UGGT2: variants seen among roughly 807,000 people sequenced by gnomAD.
UGGT2 encodes the protein UDP-glucose:glycoprotein glucosyltransferase 2.
In UGGT2, 180 loss-of-function variants were observed where a neutral mutation model predicts 192.1. The observed-to-expected ratio is 0.94, with a 90% CI of 0.83 to 1.06. The LOEUF (loss-of-function observed/expected upper bound fraction) is 1.06, where lower values mean the gene tolerates loss of function less well. Ranked by LOEUF, UGGT2 falls within the 50% of genes least tolerant of loss-of-function variation. The pLI is 0.00. For missense variants in UGGT2, 1,849 were observed against 1,795.7 expected (o/e 1.03, Z -0.54); for synonymous variants, 580 against 591.0 (o/e 0.98, Z 0.27).
rs1225367521 is a variant in UGGT2 at position 96,013,576 on chromosome 13, T to C, written c.486-95A>G. On this transcript the variant is annotated intron_variant, in intron 4 of 38. Transcript: ENST00000376747. ...ACTGCTTATCAAACAATTCATAATA[T>C]ACATAATCACAGAAAAAGAATTTAA... 4 of 774,914 alleles carry C rather than the reference T, an allele frequency of 5.2e-6. No individual in the cohort carries two copies. In the African/African-American group the frequency reaches 5.4e-5, roughly 11 times the overall value. The allele number at this position is 774,914 out of a possible 1,614,324, so 48.0% of individuals were successfully genotyped here. A position where few individuals can be genotyped will look rare whatever the true frequency, so the allele number is the denominator to read the frequency against.
At chr13:95,816,754 G>T (rs1049302570) in intron 38 of UGGT2, among the ~76,000 whole-genome samples, 1 of 152,204 alleles carries the variant, frequency 6.6e-6, no homozygotes, top group African/African-American at 2.4e-5. Context: ...AAGGTGAATT[G>T]CAGAGCTGCA....
rs2049934893 is a variant in UGGT2 at position 95,948,039 on chromosome 13, T to C, written c.1498A>G (p.Ile500Val). The C allele has an allele frequency of 3.1e-6, 5 of 1,613,372 alleles. No homozygotes were observed. Among genetic ancestry groups the C allele is most frequent in the Middle Eastern group, 1.7e-4 (1 of 6,024 alleles). Reference sequence around the variant, plus strand: ...GAATAGAAAACATCAGCAAGTTTTATAAAATCCAAGGTATATTCTTGGGCC... The same window carrying C: ...GAATAGAAAACATCAGCAAGTTTTACAAAATCCAAGGTATATTCTTGGGCC... ...DPAQEYTLDFIKLADVFYSHE... is the reference protein window; with the variant it reads ...DPAQEYTLDFVKLADVFYSHE... Residue 500 changes from isoleucine to valine, a missense_variant, in exon 14 of 39, where the codon ATA (isoleucine) becomes GTA (valine). By Grantham distance (29) the Ile-to-Val change is conservative (BLOSUM62 3). Coordinates refer to ENST00000376747, the MANE Select transcript of UGGT2 (RefSeq NM_020121.4).
chr13:95,925,791 G>T lies in UGGT2; in HGVS notation c.2201-17C>A. Reference sequence around the variant, plus strand: ...TACTCTCATCTGAAAGTTTCAAACAGTTTACTCAAATTAACTTTTTTTTTA... The same window carrying T: ...TACTCTCATCTGAAAGTTTCAAACATTTTACTCAAATTAACTTTTTTTTTA... On this transcript the variant is annotated splice_polypyrimidine_tract_variant and intron_variant, in intron 19 of 38. Coordinates refer to ENST00000376747, the MANE Select transcript of UGGT2 (RefSeq NM_020121.4). The T allele has an allele frequency of 6.7e-7, 1 of 1,491,320 alleles. No homozygotes were observed. Among genetic ancestry groups the T allele is most frequent in the Non-Finnish European group, 9.0e-7 (1 of 1,109,664 alleles). The allele number at this position is 1,491,320 out of a possible 1,614,324, so 92.4% of individuals were successfully genotyped here.
intron 27 of UGGT2, 44 bp from the exon 28 acceptor site, chr13:95,877,900 C>T: frequency 6.5e-7 from 1 of 1,536,956 alleles, no homozygotes; most frequent in Non-Finnish European, 8.8e-7. Flanking sequence ...ATGTAAAACT[C>T]ATAATACAAA....
intron 1 of UGGT2, among the ~76,000 whole-genome samples, chr13:96,042,881 C>A (rs539487227): frequency 1.3e-5 from 2 of 152,040 alleles, no homozygotes; most frequent in East Asian, 3.9e-4. Flanking sequence ...ATGACCAAAC[C>A]TAAGAATAAT....
At chr13:95,966,645 A>G (rs535182089) in intron 12 of UGGT2, among the ~76,000 whole-genome samples, 1 of 152,214 alleles carries the variant, frequency 6.6e-6, no homozygotes, top group African/African-American at 2.4e-5. Flanking sequence ...CCTTACATAC[A>G]TAAGAAAATA....
intron 20 of UGGT2, among the ~76,000 whole-genome samples, chr13:95,909,337 G>C (rs2048398687): frequency 6.6e-6 from 1 of 151,812 alleles, no homozygotes; most frequent in South Asian, 2.1e-4. Flanking sequence ...CAATAGCAAA[G>C]ACTTGGAACC....
At chr13:95,905,052 A>G (rs534110236) in intron 20 of UGGT2, among the ~76,000 whole-genome samples, 4 of 151,956 alleles carry the variant, frequency 2.6e-5, no homozygotes, top group South Asian at 2.1e-4. Flanking sequence ...GCCAGTGATG[A>G]TGAGCATTTT....
Position 95,859,609 on chromosome 13 carries a change from A to G in UGGT2, c.3807T>C (p.Tyr1269=), listed in dbSNP as rs111883912. 1.2e-6 allele frequency: 2 copies of G among 1,610,104 alleles called. No homozygotes were observed. Among genetic ancestry groups the G allele is most frequent in the African/African-American group, 1.3e-5 (1 of 74,788 alleles). Residue 1269 remains tyrosine (Y), a synonymous_variant, in exon 33 of 39, where the codon TAT becomes TAC. Coordinates refer to ENST00000376747, the MANE Select transcript of UGGT2 (RefSeq NM_020121.4). ...TPVKFWLLKN[Y]LSPTFKEVIP... Reference sequence around the variant, plus strand: ...TACTTACTTTAAATGTCGGTGAGAGATAATTTTTTAGCAACCAGAATTTCA... The same window carrying G: ...TACTTACTTTAAATGTCGGTGAGAGGTAATTTTTTAGCAACCAGAATTTCA...
chr13:95,976,949 A>C (rs988106916), intron 10 of UGGT2, among the ~76,000 whole-genome samples: 6 of 152,190 alleles, frequency 3.9e-5, no homozygotes, highest in Non-Finnish European at 7.4e-5. Context: ...AGCAATGAGG[A>C]AAGGATTCCC....
chr13:95,923,320 A>T (rs2048907453), intron 20 of UGGT2, among the ~76,000 whole-genome samples: 1 of 150,572 alleles, frequency 6.6e-6, no homozygotes, highest in Non-Finnish European at 1.5e-5. Flanking sequence ...CAGCCACGTG[A>T]TTAGCTGGGA....
chr13:95,850,666 C>T (rs567097062), intron 36 of UGGT2, among the ~76,000 whole-genome samples: 28 of 152,308 alleles, frequency 1.8e-4, no homozygotes, highest in African/African-American at 6.5e-4. Context: ...CAGAGGTAAA[C>T]ACTGAGCTTC....
intron 38 of UGGT2, among the ~76,000 whole-genome samples, chr13:95,825,096 T>C (rs969798962): frequency 6.6e-6 from 1 of 152,154 alleles, no homozygotes; most frequent in Non-Finnish European, 1.5e-5. Context: ...GTAATAGTCA[T>C]GTACTCAGTG....
intron 5 of UGGT2, among the ~76,000 whole-genome samples, chr13:96,007,018 T>C (rs1216450219): frequency 6.6e-6 from 1 of 152,166 alleles, no homozygotes; most frequent in Non-Finnish European, 1.5e-5. Flanking sequence ...CCAATATCAC[T>C]AATAAACACA....
chr13:95,809,398 A>C (rs921545708), intron 38 of UGGT2: 19 of 396,982 alleles, frequency 4.8e-5, no homozygotes, highest in South Asian at 3.7e-4. Context: ...AATCTTCTTT[A>C]CTTTCTTGAT....
chr13:96,009,585 G>A (rs778659769), intron 5 of UGGT2, among the ~76,000 whole-genome samples: 26 of 152,098 alleles, frequency 1.7e-4, no homozygotes, highest in Non-Finnish European at 3.5e-4. Context: ...TGAGGCAGGC[G>A]GATCACGAGG....
At chr13:95,854,678 T>C (rs539907633) in intron 34 of UGGT2, among the ~76,000 whole-genome samples, 17 of 152,340 alleles carry the variant, frequency 1.1e-4, no homozygotes, top group Middle Eastern at 3.4e-3. Context: ...AAAATTTATA[T>C]TCCTAGTCTT....
rs1433025585 is a variant in UGGT2 at position 95,845,390 on chromosome 13, T to A, written c.4284+8153A>T. On this transcript the variant is annotated intron_variant, in intron 36 of 38. Coordinates refer to ENST00000376747, the MANE Select transcript of UGGT2 (RefSeq NM_020121.4). ...GAGTGGTGATGACTGGTATGCTGCCTTCAAGCATCTGTTTAACAAAGCACA... is the reference window on the plus strand; with the variant it reads ...GAGTGGTGATGACTGGTATGCTGCCATCAAGCATCTGTTTAACAAAGCACA... Among the ~76,000 whole-genome samples, 2 of 89,966 alleles carry A rather than the reference T, an allele frequency of 2.2e-5. 1 individual carries two copies. The highest frequency in any genetic ancestry group is 5.4e-5 in the Non-Finnish European group (2 of 36,980). The allele number at this position is 89,966 out of a possible 152,430, so 59.0% of individuals were successfully genotyped here.
intron 21 of UGGT2, 45 bp downstream of exon 21, chr13:95,902,809 A>C: frequency 6.5e-7 from 1 of 1,548,630 alleles, no homozygotes; most frequent in Non-Finnish European, 8.8e-7. Flanking sequence ...CACACTTTTA[A>C]AATATGCAAT....
Sources: allele counts gnomAD v4.1 joint callset (sites outside exome capture counted in the v4.1 genomes callset), GRCh38; gene constraint gnomAD v4.1.1; transcripts MANE v1.5; gene names NCBI Gene and HGNC (gene_info 2026-07-23, HGNC 2026-07-21).